Variants in PRIM2 observed in about 807,000 individuals in gnomAD.
PRIM2 encodes DNA primase subunit 2.
In PRIM2, 39 loss-of-function variants were observed where a neutral mutation model predicts 67.3. The observed-to-expected ratio is 0.58, with a 90% CI of 0.45 to 0.76. PRIM2 has a LOEUF of 0.76. Among genes scored for constraint, PRIM2 ranks in the 30% least tolerant of loss-of-function variants. The pLI, the probability that PRIM2 is intolerant of heterozygous loss-of-function variation, is 0.00. For missense variants in PRIM2, 398 were observed against 598.7 expected, an observed-to-expected ratio of 0.66 and a Z score of 3.50; for synonymous variants, 143 against 198.7, an observed-to-expected ratio of 0.72 and a Z score of 2.36.
chr6:57,473,896 G>GT (rs1217792238), intron 7 of PRIM2, among the ~76,000 whole-genome samples: 5,135 of 150,456 alleles, frequency 0.034, 294 homozygotes, highest in African/African-American at 0.12. Flanking sequence ...CTGTTTGTTT[G>GT]TTTTTTTTTC....
the PRIM2 span, among the ~76,000 whole-genome samples, chr6:57,255,877 C>T: frequency 7.2e-5 from 11 of 152,252 alleles, no homozygotes; most frequent in East Asian, 1.9e-4. Context: ...TAGCACCAAG[C>T]GCTTTTCAAA....
intron 12 of PRIM2, among the ~76,000 whole-genome samples, chr6:57,620,874 A>G (rs1456598354): frequency 2.6e-5 from 4 of 152,404 alleles, no homozygotes; most frequent in South Asian, 2.1e-4. Context: ...CTTAAAGTAA[A>G]GATGTGGAAA....
intron 8 of PRIM2, among the ~76,000 whole-genome samples, chr6:57,528,291 TGTCTACACAGTTTAA>T (rs1774805843): frequency 6.6e-6 from 1 of 150,446 alleles, no homozygotes; most frequent in African/African-American, 2.4e-5. Flanking sequence ...AGAAGTTTGA[TGTCTACACAGTTTAA>T]GTCTACTTAT....
the PRIM2 span, among the ~76,000 whole-genome samples, chr6:57,294,455 T>G: frequency 6.6e-6 from 1 of 152,144 alleles, no homozygotes; most frequent in East Asian, 1.9e-4. Context: ...CACTCCAGCC[T>G]GGGCAACAGA....
chr6:57,361,673 CA>C (rs1267112267), intron 5 of PRIM2, among the ~76,000 whole-genome samples: 1 of 151,350 alleles, frequency 6.6e-6, no homozygotes, highest in African/African-American at 2.4e-5. Context: ...CACTCCTAAG[CA>C]CATCCTATGT....
intron 10 of PRIM2, among the ~76,000 whole-genome samples, chr6:57,564,708 A>T (rs1317412710): frequency 6.6e-6 from 1 of 152,170 alleles, no homozygotes; most frequent in African/African-American, 2.4e-5. Context: ...AGATAGGGAA[A>T]ATCATTGGTA....
At chr6:57,370,315 A>G (rs1169055425) in intron 5 of PRIM2, among the ~76,000 whole-genome samples, 2 of 152,202 alleles carry the variant, frequency 1.3e-5, no homozygotes, top group African/African-American at 4.8e-5. Flanking sequence ...TTTGTCCAAT[A>G]GTTTTTAAGG....
At chr6:57,246,961 TCTC>T in the PRIM2 span, among the ~76,000 whole-genome samples, 1 of 151,982 alleles carries the variant, frequency 6.6e-6, no homozygotes, top group South Asian at 2.1e-4. Flanking sequence ...TTCACGCTAT[TCTC>T]CTGCCTCAGC....
chr6:57,237,612 C>A, the PRIM2 span, among the ~76,000 whole-genome samples: 1 of 152,206 alleles, frequency 6.6e-6, no homozygotes, highest in Admixed American at 6.5e-5. Context: ...AGGAAGGGAT[C>A]CAGTTTCAGC....
At chr6:57,475,965 T>C (rs1773468265) in intron 7 of PRIM2, among the ~76,000 whole-genome samples, 1 of 152,162 alleles carries the variant, frequency 6.6e-6, no homozygotes, top group Non-Finnish European at 1.5e-5. Flanking sequence ...TTGTTTCTGT[T>C]TGTGATTTGT....
At chr6:57,235,809 G>A in the PRIM2 span, among the ~76,000 whole-genome samples, 2 of 152,142 alleles carry the variant, frequency 1.3e-5, no homozygotes, top group Admixed American at 6.5e-5. Flanking sequence ...CAGAAGCAGA[G>A]GTCAGAAAGA....
At chr6:57,308,681 A>C in the PRIM2 span, among the ~76,000 whole-genome samples, 4 of 152,128 alleles carry the variant, frequency 2.6e-5, no homozygotes, top group African/African-American at 9.7e-5. Flanking sequence ...CAATATTTTC[A>C]AACTTTGAAA....
intron 7 of PRIM2, among the ~76,000 whole-genome samples, chr6:57,393,777 G>C (rs561973717): frequency 1.3e-4 from 20 of 151,950 alleles, no homozygotes; most frequent in African/African-American, 4.8e-4. Context: ...TTATCTTCTA[G>C]AATTTTTATA....
chr6:57,455,726 T>C (rs1772748521), intron 7 of PRIM2, among the ~76,000 whole-genome samples: 1 of 152,234 alleles, frequency 6.6e-6, no homozygotes, highest in Non-Finnish European at 1.5e-5. Flanking sequence ...TTGATTGGTC[T>C]TGACTCTTTA....
At chr6:57,339,317 G>C (rs1768386075) in intron 5 of PRIM2, among the ~76,000 whole-genome samples, 1 of 152,104 alleles carries the variant, frequency 6.6e-6, no homozygotes, top group African/African-American at 2.4e-5. Context: ...TCCCCATCAA[G>C]CTGCCAATGA....
chr6:57,270,017 T>G, the PRIM2 span, among the ~76,000 whole-genome samples: 1 of 152,212 alleles, frequency 6.6e-6, no homozygotes, highest in Non-Finnish European at 1.5e-5. Context: ...AGTACCATGC[T>G]GTTTTGGTTA....
rs1335622583 is a variant in PRIM2, at chr6:57,619,512, G to A, written c.1231-12621G>A. Among the ~76,000 whole-genome samples, 213 of 150,956 alleles carry A rather than the reference G, an allele frequency of 1.4e-3. 5 individuals are homozygous for A. In the East Asian group the frequency reaches 0.019, roughly 13 times the overall value. ...GCAAAGCCCAATGCAAGGAAATTCAGAAAGTGACACAGGAAGTGAAGAGAG... is the reference window on the plus strand; with the variant it reads ...GCAAAGCCCAATGCAAGGAAATTCAAAAAGTGACACAGGAAGTGAAGAGAG... On this transcript the variant is annotated intron_variant, in intron 12 of 13. Coordinates refer to ENST00000615550, the MANE Select transcript of PRIM2 (RefSeq NM_000947.5).
the PRIM2 span, among the ~76,000 whole-genome samples, chr6:57,260,641 T>C: frequency 4.6e-5 from 7 of 152,176 alleles, no homozygotes; most frequent in Non-Finnish European, 1.0e-4. Flanking sequence ...TACATGAACC[T>C]GAAAAGATTC....
At chr6:57,311,247 A>AGAGGCGCTCCTCACCTCCCGGATGGGGCC (rs1767382236), upstream of PRIM2, among the ~76,000 whole-genome samples, 1 of 17,000 alleles carries the variant, frequency 5.9e-5, no homozygotes, top group Admixed American at 7.3e-4. Flanking sequence ...CGGACGGGGC[A>AGAGGCGCTCCTCACCTCCCGGATGGGGCC]TCCGGGCAGA....
Sources: gnomAD v4.1 joint callset for allele counts (sites outside exome capture counted in the v4.1 genomes callset) on GRCh38, gnomAD v4.1.1 for gene constraint, MANE v1.5 for transcripts, NCBI Gene and HGNC (gene_info 2026-07-23, HGNC 2026-07-21) for gene names.